CCDC80: variants seen among roughly 807,000 people sequenced by gnomAD.
The protein encoded by CCDC80 is coiled-coil domain containing 80, also known as coiled-coil domain-containing protein 80.
In CCDC80, 49 loss-of-function variants were observed where a neutral mutation model predicts 78.7. The ratio of observed to expected loss-of-function variants is 0.62; its 90% confidence interval spans 0.50 to 0.79. CCDC80 has a LOEUF of 0.79. Among genes scored for constraint, CCDC80 ranks in the 30% least tolerant of loss-of-function variants. The pLI, the probability that CCDC80 is intolerant of heterozygous loss-of-function variation, is 0.00. For missense variants in CCDC80, 1,205 were observed against 1,198.6 expected, an observed-to-expected ratio of 1.01 and a Z score of -0.08; for synonymous variants, 488 against 447.0, an observed-to-expected ratio of 1.09 and a Z score of -1.16.
chr3:112,610,303 T>C, intron 5 of CCDC80: 1 of 537,962 alleles, frequency 1.9e-6, no homozygotes, highest in African/African-American at 1.9e-5. Flanking sequence ...CTTTGGCATT[T>C]GCATGACGTG....
Position 112,638,540 on chromosome 3 carries a change from T to A in CCDC80, c.1366A>T (p.Arg456Trp). The change falls in exon 2 of 8, where the codon AGG becomes TGG. Residue 456 changes from arginine to tryptophan, a missense_variant. Arg to Trp is a moderately radical substitution (Grantham distance 101, BLOSUM62 -3). Coordinates refer to ENST00000206423, the MANE Select transcript of CCDC80 (RefSeq NM_199511.3). ...CGGAAACGGCCTGGGCCAGCAGCCC[T>A]TGTGCTGGGTTCTGAGATGGTGGTG... ...PPTTISEPST[R>W]AAGPGRFRDN... 6.2e-7 allele frequency: 1 copy of A among 1,614,040 alleles called. No homozygotes were observed. The highest frequency in any genetic ancestry group is 8.5e-7 in the Non-Finnish European group (1 of 1,179,994).
chr3:112,638,818 CG>C lies in CCDC80; in HGVS notation c.1087del (p.Arg363GlyfsTer7). On this transcript the variant is annotated frameshift_variant, in exon 2 of 8. Transcript: ENST00000206423. LOFTEE classifies it high-confidence loss of function. ...AACTGTTACCGCCCGGGACGTGGAC[CG>C]AGTCACTGTTGTGGCTGGGGCAGGA... ...LPPAPATTVT[R>X]STSRAVTVAA... The C allele has an allele frequency of 1.2e-6, 2 of 1,613,590 alleles. No homozygotes were observed. The highest frequency in any genetic ancestry group is 1.7e-6 in the Non-Finnish European group (2 of 1,179,956).
chr3:112,638,337 C>G lies in CCDC80; in HGVS notation c.1569G>C (p.Glu523Asp). ...SRPTASQLED[E>D]LQVGNVPLKK... is the part of the protein sequence containing the mutation. The stretch of plus-strand genomic sequence containing the variant: ...TAAGGGGAACATTCCCCACCTGCAG[C>G]TCGTCCTCCAGCTGAGAGGCAGTAG... Residue 523 changes from glutamate (E) to aspartate (D), a missense_variant, in exon 2 of 8, where the codon GAG becomes GAC. By Grantham distance (45) the Glu-to-Asp change is conservative. Coordinates refer to ENST00000206423, the MANE Select transcript of CCDC80 (RefSeq NM_199511.3). 1 of 1,614,222 alleles carries G rather than the reference C, an allele frequency of 6.2e-7. No homozygotes were observed. Among genetic ancestry groups the G allele is most frequent in the Non-Finnish European group, 8.5e-7 (1 of 1,180,036 alleles).
intron 5 of CCDC80, among the ~76,000 whole-genome samples, chr3:112,614,539 C>T (rs115560069): frequency 0.012 from 1,763 of 151,310 alleles, 35 homozygotes; most frequent in African/African-American, 0.04. Flanking sequence ...GCCATTGTCC[C>T]GTGAAGCTCA....
chr3:112,619,208 G>T (rs1345758538), intron 3 of CCDC80, 104 bp from the exon 4 acceptor site: 4 of 1,052,974 alleles, frequency 3.8e-6, no homozygotes, highest in Non-Finnish European at 5.2e-6. Flanking sequence ...GCCTTCATTA[G>T]TTTTATATAT....
At position 112,605,540 on chromosome 3, in the gene CCDC80, C is replaced by A; in HGVS notation, c.2730G>T (p.Gly910=). 1 of 1,614,160 alleles carries A rather than the reference C, an allele frequency of 6.2e-7. No individual in the cohort carries two copies. The highest frequency in any genetic ancestry group is 8.5e-7 in the Non-Finnish European group (1 of 1,180,012). ...CATACTCATCTTCTGGGCAGCGCAT[C>A]CCCAGTGACTGCTGAATCGCCATTT... ...RQEMAIQQSL[G]MRCPEDEYAG... The change falls in exon 8 of 8, where the codon GGG becomes GGT. Residue 910 remains glycine, a synonymous_variant. Coordinates refer to ENST00000206423, the MANE Select transcript of CCDC80 (RefSeq NM_199511.3).
chr3:112,632,989 AG>A (rs1404764504), intron 2 of CCDC80, among the ~76,000 whole-genome samples: 1 of 152,202 alleles, frequency 6.6e-6, no homozygotes, highest in East Asian at 1.9e-4. Context: ...AGTCAAAGTC[AG>A]GGGGCTGTCA....
chr3:112,621,721 G>A (rs1003679326), intron 3 of CCDC80, among the ~76,000 whole-genome samples: 1 of 152,190 alleles, frequency 6.6e-6, no homozygotes, highest in African/African-American at 2.4e-5. Context: ...AATATAAGCA[G>A]CTAGATCTCT....
chr3:112,638,421 C>T lies in CCDC80; in HGVS notation c.1485G>A (p.Lys495=). The T allele has an allele frequency of 6.2e-7, 1 of 1,613,716 alleles. No homozygotes were observed. Among genetic ancestry groups the T allele is most frequent in the Admixed American group, 1.7e-5 (1 of 59,960 alleles). The change falls in exon 2 of 8, where the codon AAG becomes AAA. Residue 495 remains lysine (K), a synonymous_variant. Coordinates refer to ENST00000206423, the MANE Select transcript of CCDC80 (RefSeq NM_199511.3). ...PKPAKEKPPK[K]KAQDKILSNE... is the part of the protein sequence containing the mutation. The stretch of plus-strand genomic sequence containing the variant: ...TACTAAGAATTTTGTCCTGGGCCTT[C>T]TTTTTGGGAGGTTTCTCCTTTGCTG...
In CCDC80 at chr3:112,639,655, C is replaced by A. The variant is rs1936301003; in HGVS notation, c.251G>T (p.Arg84Ile). The part of the protein sequence containing the change: ...LQRRRSVPVL[R>I]LARPTEPPAR... ...TGGCGGCTCTGTTGGGCGAGCTAGT[C>A]TCAACACGGGCACACTCCTCCTTCT... The change falls in exon 2 of 8, where the codon AGA (arginine) becomes ATA (isoleucine). Residue 84 changes from arginine to isoleucine, a missense_variant. Coordinates refer to ENST00000206423, the MANE Select transcript of CCDC80 (RefSeq NM_199511.3). 6.2e-7 allele frequency: 1 copy of A among 1,614,172 alleles called. No individual in the cohort carries two copies. Among genetic ancestry groups the A allele is most frequent in the East Asian group, 2.2e-5 (1 of 44,872 alleles).
chr3:112,637,410 C>T (rs181475340), intron 2 of CCDC80, among the ~76,000 whole-genome samples: 10 of 152,076 alleles, frequency 6.6e-5, no homozygotes, highest in Admixed American at 4.6e-4. Context: ...TAAAAGGATC[C>T]GTGAGGGTCA....
intron 2 of CCDC80, among the ~76,000 whole-genome samples, chr3:112,637,013 T>A (rs1279996904): frequency 6.6e-6 from 1 of 152,118 alleles, no homozygotes; most frequent in Non-Finnish European, 1.5e-5. Context: ...CATTTGCACA[T>A]CACTGATAAA....
At chr3:112,622,510 A>T (rs1383344394) in intron 3 of CCDC80, among the ~76,000 whole-genome samples, 1 of 152,202 alleles carries the variant, frequency 6.6e-6, no homozygotes, top group African/African-American at 2.4e-5. Context: ...TATCTAAATC[A>T]GGGCTCAGTG....
rs775171659 is a variant in CCDC80, at chr3:112,638,974, T to C, written c.932A>G (p.Lys311Arg). The C allele has an allele frequency of 1.7e-5, 28 of 1,612,218 alleles. No individual in the cohort carries two copies. Among genetic ancestry groups the C allele is most frequent in the Non-Finnish European group, 2.4e-5 (28 of 1,179,990 alleles). The part of the protein sequence containing the change: ...AGRPSLGSEK[K>R]KEDPRRAQVP... ...TTGTGCTCTCCTTGGGTCCTCTTTC[T>C]TCTTCTCGCTGCCCAGGCTTGGCCT... Residue 311 changes from lysine to arginine, a missense_variant, in exon 2 of 8, where the codon AAG becomes AGG. Lys to Arg is a conservative substitution (Grantham distance 26). Transcript: ENST00000206423.
chr3:112,625,238 T>A (rs916339296), intron 3 of CCDC80, among the ~76,000 whole-genome samples: 1 of 152,162 alleles, frequency 6.6e-6, no homozygotes, highest in African/African-American at 2.4e-5. Context: ...GTCAAAAGCA[T>A]CCAAAAGTTT....
intron 4 of CCDC80, among the ~76,000 whole-genome samples, chr3:112,617,574 G>T (rs1253660179): frequency 6.6e-6 from 1 of 152,240 alleles, no homozygotes. Context: ...GGACCTTAGA[G>T]ATTATCTGGC....
intron 3 of CCDC80, among the ~76,000 whole-genome samples, chr3:112,624,029 AC>A (rs1935917656): frequency 6.6e-6 from 1 of 152,146 alleles, no homozygotes; most frequent in Non-Finnish European, 1.5e-5. Context: ...CTAGCATACA[AC>A]CCCAGCATTC....
At position 112,612,215 on chromosome 3, in the gene CCDC80, A is replaced by AC. The variant is rs537784371; in HGVS notation, c.2322-2135dup. On this transcript the variant is annotated intron_variant, in intron 5 of 7. Coordinates refer to ENST00000206423, the MANE Select transcript of CCDC80 (RefSeq NM_199511.3). ...GATCACAAACACAACAGTCTCAGGT[A>AC]CTTCTCCTGCTTCCTTAGGAGGCAT... 2.8e-3 allele frequency among the ~76,000 whole-genome samples: 431 copies of AC among 152,234 alleles called. 4 individuals carry two copies. The highest frequency in any genetic ancestry group is 9.9e-3 in the African/African-American group (412 of 41,532).
chr3:112,613,538 A>G (rs1407821915), intron 5 of CCDC80, among the ~76,000 whole-genome samples: 3 of 152,176 alleles, frequency 2.0e-5, no homozygotes, highest in African/African-American at 7.2e-5. Context: ...CTACAGGAGT[A>G]TTATAAGCTT....
Sources: allele counts gnomAD v4.1 joint callset (sites outside exome capture counted in the v4.1 genomes callset), GRCh38; gene constraint gnomAD v4.1.1; transcripts MANE v1.5; gene names NCBI Gene and HGNC (gene_info 2026-07-23, HGNC 2026-07-21).